NFASC: variants seen among roughly 807,000 people sequenced by gnomAD.
NFASC encodes neurofascin homolog.
In NFASC, 43 loss-of-function variants were observed where a neutral mutation model predicts 147.5. The ratio of observed to expected loss-of-function variants is 0.29; its 90% CI spans 0.23 to 0.38. The LOEUF is 0.38. NFASC is among the 10% of genes least tolerant of loss of function. The pLI, the probability that NFASC is intolerant of heterozygous loss-of-function variation, is 1.00. For synonymous variants in NFASC, 622 were observed against 665.5 expected (o/e 0.93, Z 1.01); for missense variants, 1,320 against 1,689.0 (o/e 0.78, Z 3.83).
At chr1:204,886,587 A>G (rs563931383) in intron 1 of NFASC, among the ~76,000 whole-genome samples, 2 of 152,252 alleles carry the variant, frequency 1.3e-5, no homozygotes, top group Admixed American at 1.3e-4. Context: ...GGGCCCAATA[A>G]TTTGCATTTT....
At chr1:204,966,170 A>G (rs943560684) in intron 8 of NFASC, among the ~76,000 whole-genome samples, 2 of 152,130 alleles carry the variant, frequency 1.3e-5, no homozygotes, top group Admixed American at 1.3e-4. Context: ...CTACAAATGC[A>G]ATATTGCTGT....
chr1:204,879,473 G>A (rs1438107953), intron 1 of NFASC, among the ~76,000 whole-genome samples: 1 of 152,214 alleles, frequency 6.6e-6, no homozygotes, highest in Admixed American at 6.5e-5. Context: ...TTCTGCTGCT[G>A]TCTGTGCAGG....
intron 7 of NFASC, among the ~76,000 whole-genome samples, chr1:204,957,270 C>T (rs1053786126): frequency 3.3e-5 from 5 of 152,188 alleles, no homozygotes; most frequent in South Asian, 2.1e-4. Flanking sequence ...TGAGTGCTGT[C>T]GCTGCTAGCT....
rs1419874141 is a variant in NFASC at position 204,977,692 on chromosome 1, A to C, written c.1843A>C (p.Thr615Pro). The change falls in exon 17 of 30, where the codon ACT becomes CCT. Residue 615 changes from threonine to proline, a missense_variant. Transcript: ENST00000339876. ...AYLTVLADQA[T>P]PTNRLAALPK... ...TCTTACCTTTGCAGCTGATCAGGCC[A>C]CTCCAACTAACCGTTTGGCTGCCCT... 2 of 1,610,388 alleles carry C rather than the reference A, an allele frequency of 1.2e-6. No individual in the cohort carries two copies. The highest frequency in any genetic ancestry group is 1.7e-6 in the Non-Finnish European group (2 of 1,177,196).
Position 205,017,554 on chromosome 1 carries a change from T to A in NFASC, c.*1015T>A, listed in dbSNP as rs2096371619. The A allele has an allele frequency of 6.6e-6, 1 of 152,564 alleles. No individual in the cohort carries two copies. Among genetic ancestry groups the A allele is most frequent in the African/African-American group, 2.4e-5 (1 of 41,410 alleles). 9.5% of individuals were successfully genotyped at this position (152,564 alleles called of 1,614,324 possible). On this transcript the variant is annotated 3_prime_UTR_variant, in exon 30 of 30. Transcript: ENST00000339876. ...AGGGCCACACCCACCCTGTCCAGAGTAGAGGGCACCTGTCCACGTGGCCAG... is the reference window on the plus strand; with the variant it reads ...AGGGCCACACCCACCCTGTCCAGAGAAGAGGGCACCTGTCCACGTGGCCAG...
intron 27 of NFASC, among the ~76,000 whole-genome samples, chr1:205,005,266 C>CATA (rs1311622254): frequency 6.6e-6 from 1 of 151,424 alleles, no homozygotes; most frequent in East Asian, 1.9e-4. Context: ...ATTTCTAGAA[C>CATA]ATAATTCTTC....
rs777989530 is a variant in NFASC at position 205,001,227 on chromosome 1, A to G, written c.3077A>G (p.Asn1026Ser). 2.5e-6 allele frequency: 4 copies of G among 1,612,832 alleles called. No homozygotes were observed. Among genetic ancestry groups the G allele is most frequent in the Non-Finnish European group, 3.4e-6 (4 of 1,179,500 alleles). Residue 1026 changes from asparagine to serine, a missense_variant, in exon 26 of 30, where the codon AAC becomes AGC. Physicochemically the swap from Asn to Ser is conservative, Grantham distance 46 (BLOSUM62 1). Coordinates refer to ENST00000339876, the MANE Select transcript of NFASC (RefSeq NM_001005388.3). The part of the protein sequence containing the change: ...VTVLPNSKWA[N>S]ITWKHNFGPG... The stretch of plus-strand genomic sequence containing the variant: ...GTGCTCCCCAACAGTAAATGGGCCA[A>G]CATCACCTGGAAGCACAATTTCGGG...
At chr1:204,842,905 C>A (rs1051272012) in intron 1 of NFASC, among the ~76,000 whole-genome samples, 1 of 152,112 alleles carries the variant, frequency 6.6e-6, no homozygotes, top group Non-Finnish European at 1.5e-5. Flanking sequence ...GAGTTGTCTG[C>A]CATTGGTGTG....
Position 205,021,263 on chromosome 1 carries a change from A to G in NFASC, c.*4724A>G, listed in dbSNP as rs755892058. On this transcript the variant is annotated 3_prime_UTR_variant, in exon 30 of 30. Coordinates refer to ENST00000339876, the MANE Select transcript of NFASC (RefSeq NM_001005388.3). ...GAAGTGTCCTTTCTTTCCCTTCCTT[A>G]CTAATAATGGGCCTTCCTGAGACAC... The G allele has an allele frequency of 3.3e-5, 5 of 152,500 alleles. No homozygotes were observed. The highest frequency in any genetic ancestry group is 6.6e-5 in the Admixed American group (1 of 15,260). The allele number at this position is 152,500 out of a possible 1,614,324, so 9.4% of individuals were successfully genotyped here.
chr1:204,899,131 T>C (rs1236570339), intron 1 of NFASC, among the ~76,000 whole-genome samples: 1 of 152,028 alleles, frequency 6.6e-6, no homozygotes, highest in Non-Finnish European at 1.5e-5. Flanking sequence ...AATAAGCACA[T>C]ACGTATCAAA....
At chr1:204,995,372 G>T (rs1250754551) in intron 24 of NFASC, among the ~76,000 whole-genome samples, 2 of 151,500 alleles carry the variant, frequency 1.3e-5, no homozygotes, top group East Asian at 3.9e-4. Flanking sequence ...CGGTGGGTGG[G>T]GATAAGTGAA....
At chr1:205,012,043 C>CA (rs1194036860) in intron 28 of NFASC, among the ~76,000 whole-genome samples, 1 of 151,990 alleles carries the variant, frequency 6.6e-6, no homozygotes, top group South Asian at 2.1e-4. Flanking sequence ...AGCACCACTG[C>CA]AAAAAAACAA....
intron 1 of NFASC, among the ~76,000 whole-genome samples, chr1:204,909,342 C>G (rs1339279464): frequency 2.0e-5 from 3 of 152,098 alleles, no homozygotes; most frequent in South Asian, 2.1e-4. Flanking sequence ...TTGCATTCCC[C>G]CAGTGGCTGA....
intron 1 of NFASC, among the ~76,000 whole-genome samples, chr1:204,898,490 A>G (rs2083837492): frequency 6.6e-6 from 1 of 152,146 alleles, no homozygotes; most frequent in African/African-American, 2.4e-5. Flanking sequence ...CTCTCTGAGG[A>G]AGAACTTTTT....
At chr1:204,996,397 A>C (rs1463700231) in intron 24 of NFASC, among the ~76,000 whole-genome samples, 1 of 152,196 alleles carries the variant, frequency 6.6e-6, no homozygotes, top group Admixed American at 6.5e-5. Flanking sequence ...TCATGTGAAT[A>C]GAAAGCACCT....
intron 1 of NFASC, among the ~76,000 whole-genome samples, chr1:204,875,367 G>C (rs1346771909): frequency 6.6e-6 from 1 of 152,110 alleles, no homozygotes; most frequent in Non-Finnish European, 1.5e-5. Flanking sequence ...CTCCAGGTTA[G>C]ACCAGGAGCC....
intron 1 of NFASC, among the ~76,000 whole-genome samples, chr1:204,873,674 C>T (rs1558536346): frequency 1.4e-5 from 2 of 148,090 alleles, no homozygotes; most frequent in South Asian, 4.2e-4. Flanking sequence ...TGCTGGGGGC[C>T]TTCCATTCTG....
intron 28 of NFASC, chr1:205,009,938 C>T (rs1453216588): frequency 5.5e-6 from 3 of 542,060 alleles, no homozygotes; most frequent in Non-Finnish European, 6.6e-6. Flanking sequence ...GGAACCCTGG[C>T]TCCTATTAAG....
intron 3 of NFASC, among the ~76,000 whole-genome samples, chr1:204,948,145 A>G (rs1035503956): frequency 6.6e-6 from 1 of 152,258 alleles, no homozygotes; most frequent in South Asian, 2.1e-4. Flanking sequence ...GAAACCTCGC[A>G]GACCGAGCAG....
Sources: gnomAD v4.1 joint callset for allele counts (sites outside exome capture counted in the v4.1 genomes callset) on GRCh38, gnomAD v4.1.1 for gene constraint, MANE v1.5 for transcripts, NCBI Gene and HGNC (gene_info 2026-07-23, HGNC 2026-07-21) for gene names.